The following ZGRF1 variants were observed in gnomAD, a reference collection of about 807,000 sequenced individuals.
The protein encoded by ZGRF1 is zinc finger GRF-type containing 1, also known as 5'-3' DNA helicase ZGRF1.
A neutral mutation model predicts 203.5 loss-of-function variants in ZGRF1; 196 were observed. The ratio of observed to expected loss-of-function variants is 0.96; its 90% confidence interval spans 0.86 to 1.08. The LOEUF (loss-of-function observed/expected upper bound fraction) is 1.08. Among genes scored for constraint, ZGRF1 ranks in the 50% least tolerant of loss-of-function variants. The probability of loss-of-function intolerance (pLI) is 0.00; values close to 1 mark genes in which losing one functional copy is unlikely to be tolerated. For missense variants in ZGRF1, 2,326 were observed against 2,416.3 expected (o/e 0.96, Z 0.78); for synonymous variants, 809 against 841.3 (o/e 0.96, Z 0.66).
At chr4:112,565,281 G>C (rs1330331732) in intron 16 of ZGRF1, 21 of 1,551,766 alleles carry the variant, frequency 1.4e-5, no homozygotes, top group Non-Finnish European at 1.9e-5. Flanking sequence ...AGGCAAGTGA[G>C]GCCTATCTGG....
chr4:112,621,029 C>T (rs1464049396), intron 4 of ZGRF1, among the ~76,000 whole-genome samples: 1 of 152,010 alleles, frequency 6.6e-6, no homozygotes, highest in Non-Finnish European at 1.5e-5. Flanking sequence ...GAGACAATGT[C>T]TCTAAAAACA....
chr4:112,621,970 C>T (rs1446717294), intron 4 of ZGRF1, among the ~76,000 whole-genome samples: 1 of 151,108 alleles, frequency 6.6e-6, no homozygotes, highest in Non-Finnish European at 1.5e-5. Context: ...TCAGGTGATC[C>T]GCCTGCCTCG....
chr4:112,579,375 G>A lies in ZGRF1; in HGVS notation c.4438+2288C>T, dbSNP rs965732926. The stretch of plus-strand genomic sequence containing the variant: ...GAAAACTGGCACAAGACACGGATGC[G>A]CTCTCTCACCACTCCTATTCAACAT... On this transcript the variant is annotated intron_variant, in intron 16 of 27. Coordinates refer to ENST00000505019, the MANE Select transcript of ZGRF1 (RefSeq NM_018392.5). 5.7e-5 allele frequency among the ~76,000 whole-genome samples: 7 copies of A among 122,394 alleles called. 1 individual carries two copies. The highest frequency in any genetic ancestry group is 1.4e-4 in the African/African-American group (5 of 35,294). 80.3% of individuals were successfully genotyped at this position (122,394 alleles called of 152,430 possible).
rs572879606 is a variant in ZGRF1 at position 112,618,862 on chromosome 4, T to C, written c.1180A>G (p.Asn394Asp). The C allele has an allele frequency of 6.2e-7, 1 of 1,613,532 alleles. No homozygotes were observed. Among genetic ancestry groups the C allele is most frequent in the East Asian group, 2.2e-5 (1 of 44,860 alleles). The part of the protein sequence containing the change: ...KYNVDQSVGN[N>D]DPSWNQEVKL... ...ACTTCCTGATTCCAGGATGGATCAT[T>C]ATTACCGACTGACTGGTCTACATTA... The change falls in exon 6 of 28, where the codon AAT (asparagine) becomes GAT (aspartate). Residue 394 changes from asparagine (N) to aspartate (D), a missense_variant. Asn to Asp is a conservative substitution (Grantham distance 23). Coordinates refer to ENST00000505019, the MANE Select transcript of ZGRF1 (RefSeq NM_018392.5).
rs1330306517 is a variant in ZGRF1 at position 112,586,076 on chromosome 4, G to A, written c.3917-351C>T. Among the ~76,000 whole-genome samples, 3 of 151,926 alleles carry A rather than the reference G, an allele frequency of 2.0e-5. No individual in the cohort carries two copies. In the East Asian group the frequency reaches 5.8e-4, roughly 29 times the overall value. ...AGCCATATGGTGAGACCTCATTTCT[G>A]CTAAAAATACAAAAATTAGCTGGGT... On this transcript the variant is annotated intron_variant, in intron 13 of 27. Coordinates refer to ENST00000505019, the MANE Select transcript of ZGRF1 (RefSeq NM_018392.5).
intron 6 of ZGRF1, among the ~76,000 whole-genome samples, chr4:112,612,856 G>A (rs1373769595): frequency 6.6e-6 from 1 of 151,960 alleles, no homozygotes; most frequent in African/African-American, 2.4e-5. Flanking sequence ...ATGTTTCCTT[G>A]TACTCCTTTT....
intron 16 of ZGRF1, among the ~76,000 whole-genome samples, chr4:112,576,671 G>A (rs1421953529): frequency 6.6e-6 from 1 of 152,122 alleles, no homozygotes; most frequent in Admixed American, 6.5e-5. Flanking sequence ...TGGAAGAAAG[G>A]GTATCAGTGA....
intron 6 of ZGRF1, among the ~76,000 whole-genome samples, chr4:112,616,996 G>A (rs916875368): frequency 3.3e-4 from 51 of 152,240 alleles, no homozygotes; most frequent in African/African-American, 1.1e-3. Flanking sequence ...AATTAGCTAA[G>A]CATGGTGGTG....
chr4:112,569,172 G>A (rs575909416), intron 16 of ZGRF1, among the ~76,000 whole-genome samples: 223 of 152,302 alleles, frequency 1.5e-3, no homozygotes, highest in Middle Eastern at 3.4e-3. Context: ...AATTTTATAT[G>A]TAGCCAAATT....
chr4:112,574,883 G>A (rs774801311), intron 16 of ZGRF1, among the ~76,000 whole-genome samples: 2 of 151,956 alleles, frequency 1.3e-5, no homozygotes, highest in Non-Finnish European at 2.9e-5. Flanking sequence ...AAAATTAGCT[G>A]GATGTGGTAG....
At position 112,581,742 on chromosome 4, in the gene ZGRF1, A is replaced by C. The variant is rs1003421977; in HGVS notation, c.4359T>G (p.Asn1453Lys). ...YGKLKKFTTV[N>K]PEFYNEPKTK... Reference sequence around the variant, plus strand: ...TTTTTGGTTCATTATAAAACTCAGGATTTACAGTAGTAAACTTCTTTAGTT... The same window carrying C: ...TTTTTGGTTCATTATAAAACTCAGGCTTTACAGTAGTAAACTTCTTTAGTT... The change falls in exon 16 of 28, where the codon AAT becomes AAG. Residue 1453 changes from asparagine to lysine, a missense_variant. By Grantham distance (94) the Asn-to-Lys change is moderately conservative. Transcript: ENST00000505019. 1 of 1,563,624 alleles carries C rather than the reference A, an allele frequency of 6.4e-7. No individual in the cohort carries two copies. The highest frequency in any genetic ancestry group is 8.7e-7 in the Non-Finnish European group (1 of 1,154,952).
intron 24 of ZGRF1, among the ~76,000 whole-genome samples, chr4:112,545,001 CAAAG>C (rs935135610): frequency 3.9e-5 from 6 of 152,012 alleles, no homozygotes; most frequent in Non-Finnish European, 5.9e-5. Flanking sequence ...CAAAATGGAT[CAAAG>C]ACCTCAACAT....
intron 16 of ZGRF1, among the ~76,000 whole-genome samples, chr4:112,573,034 C>T (rs1393922946): frequency 6.6e-6 from 1 of 152,086 alleles, no homozygotes; most frequent in African/African-American, 2.4e-5. Flanking sequence ...CCAACAATCC[C>T]ACTACTGGGT....
chr4:112,575,955 C>G (rs1228392781), intron 16 of ZGRF1, among the ~76,000 whole-genome samples: 1 of 152,204 alleles, frequency 6.6e-6, no homozygotes, highest in Non-Finnish European at 1.5e-5. Flanking sequence ...CGCAGCTGGA[C>G]ATCTGAGAAT....
chr4:112,630,024 AG>A, intron 3 of ZGRF1: 1 of 192,048 alleles, frequency 5.2e-6, no homozygotes, highest in South Asian at 7.3e-5. Flanking sequence ...GTCTAAAAAA[AG>A]AAAAAAAAAA....
intron 21 of ZGRF1, among the ~76,000 whole-genome samples, chr4:112,554,321 C>T (rs766855578): frequency 1.3e-5 from 2 of 150,086 alleles, no homozygotes; most frequent in Admixed American, 6.7e-5. Flanking sequence ...TTTGTCCTTT[C>T]GACAGTTTGC....
chr4:112,566,566 T>C (rs1450760764), intron 16 of ZGRF1, among the ~76,000 whole-genome samples: 1 of 151,834 alleles, frequency 6.6e-6, no homozygotes, highest in Non-Finnish European at 1.5e-5. Flanking sequence ...ATTCAAAACA[T>C]GCAAAACAAT....
In ZGRF1 at chr4:112,617,737, C is replaced by A. The variant is rs751941064; in HGVS notation, c.2305G>T (p.Gly769Ter). 1 of 1,613,930 alleles carries A rather than the reference C, an allele frequency of 6.2e-7. No individual in the cohort carries two copies. Among genetic ancestry groups the A allele is most frequent in the South Asian group, 1.1e-5 (1 of 91,078 alleles). ...TCTTTGGAAATAAGATGCTTTTTTC[C>A]CAGTGGGTAAAACAAAGAATTGGAA... ...HISNSLFYPL[G>*]KKHLISKDTE... Residue 769 changes from glycine (G) to a stop codon, truncating the protein, a stop_gained, in exon 6 of 28, where the codon GGA (glycine) becomes TGA (stop). Transcript: ENST00000505019. LOFTEE classifies it high-confidence loss of function.
In ZGRF1 at chr4:112,631,970, C is replaced by T; in HGVS notation, c.62G>A (p.Trp21Ter). 1.9e-6 allele frequency: 3 copies of T among 1,596,610 alleles called. No homozygotes were observed. Among genetic ancestry groups the T allele is most frequent in the Non-Finnish European group, 2.6e-6 (3 of 1,171,674 alleles). The change falls in exon 3 of 28, where the codon TGG becomes TAG. Residue 21 changes from tryptophan (W) to a stop codon, truncating the protein, a stop_gained. Coordinates refer to ENST00000505019, the MANE Select transcript of ZGRF1 (RefSeq NM_018392.5). LOFTEE classifies it high-confidence loss of function. Reference protein sequence around the residue: ...THQKMKKSKVWQDGILKITHL... With the variant: ...THQKMKKSKV ...AGTGATCTTCAGAATTCCATCTTGC[C>T]ACACTTTTGACTTCTTCATCTTTTG...
Sources: gnomAD v4.1 joint callset for allele counts (sites outside exome capture counted in the v4.1 genomes callset) on GRCh38, gnomAD v4.1.1 for gene constraint, MANE v1.5 for transcripts, NCBI Gene and HGNC (gene_info 2026-07-23, HGNC 2026-07-21) for gene names.